Variants in PHYKPL observed in about 807,000 individuals in gnomAD.
The protein encoded by PHYKPL is 5-phosphonooxy-L-lysine phospho-lyase.
In PHYKPL, 42 loss-of-function variants were observed where a neutral mutation model predicts 51.3. The ratio of observed to expected loss-of-function variants is 0.82; its 90% CI spans 0.64 to 1.06. The LOEUF (loss-of-function observed/expected upper bound fraction) is 1.06, where lower values mean the gene tolerates loss of function less well. Among genes scored for constraint, PHYKPL ranks in the 50% least tolerant of loss-of-function variants. The probability of loss-of-function intolerance (pLI) is 0.00; values close to 1 mark genes in which losing one functional copy is unlikely to be tolerated. For synonymous variants in PHYKPL, 264 were observed against 236.0 expected, an observed-to-expected ratio of 1.12 and a Z score of -1.09; for missense variants, 655 against 586.6, an observed-to-expected ratio of 1.12 and a Z score of -1.20.
intron 6 of PHYKPL, chr5:178,223,849 C>CA: frequency 4.5e-6 from 1 of 221,278 alleles, no homozygotes. Flanking sequence ...CCATACTGCC[C>CA]CCGTCAGGCC....
Position 178,232,565 on chromosome 5 carries a change from A to T in PHYKPL, c.-15T>A. On this transcript the variant is annotated 5_prime_UTR_variant, in exon 1 of 13. Coordinates refer to ENST00000308158, the MANE Select transcript of PHYKPL (RefSeq NM_153373.4). ...TCTGCGGCCATGGTGGGTGGCCGTC[A>T]GTCGGTGCCGTGACGCCACGCGGAG... 3 of 1,259,690 alleles carry T rather than the reference A, an allele frequency of 2.4e-6. No individual in the cohort carries two copies. The highest frequency in any genetic ancestry group is 3.0e-6 in the Non-Finnish European group (3 of 1,004,072). The allele number at this position is 1,259,690 out of a possible 1,614,324, so 78.0% of individuals were successfully genotyped here.
chr5:178,214,619 G>C (rs1759370675), intron 10 of PHYKPL, among the ~76,000 whole-genome samples, 177 bp downstream of exon 10: 1 of 152,106 alleles, frequency 6.6e-6, no homozygotes, highest in African/African-American at 2.4e-5. Context: ...GTCCTCAGCT[G>C]ATAGGATCAG....
intron 1 of PHYKPL, 146 bp downstream of exon 1, chr5:178,232,346 G>C: frequency 7.8e-7 from 1 of 1,275,562 alleles, no homozygotes; most frequent in East Asian, 3.4e-5. Flanking sequence ...AAGCTCCAGC[G>C]GGGCCGGGGC....
chr5:178,229,667 T>A, intron 3 of PHYKPL: 1 of 336,020 alleles, frequency 3.0e-6, no homozygotes, highest in Non-Finnish European at 5.5e-6. Flanking sequence ...TTTGGCTGTA[T>A]CCTTAAGGCA....
intron 8 of PHYKPL, among the ~76,000 whole-genome samples, chr5:178,219,363 A>G (rs1259222761): frequency 4.6e-5 from 7 of 152,048 alleles, no homozygotes; most frequent in Non-Finnish European, 8.8e-5. Flanking sequence ...CACACATACA[A>G]ACAGACACAA....
intron 12 of PHYKPL, chr5:178,211,488 A>T (rs1758398794): frequency 5.5e-6 from 1 of 182,452 alleles, no homozygotes; most frequent in Admixed American, 5.8e-5. Context: ...TTTACACACT[A>T]GGGCAGTGCC....
intron 1 of PHYKPL, 116 bp from the exon 2 acceptor site, chr5:178,231,639 A>T: frequency 6.2e-7 from 1 of 1,604,668 alleles, no homozygotes; most frequent in Non-Finnish European, 8.5e-7. Flanking sequence ...GGGAAATGAG[A>T]GCTGGAAGGG....
rs146951589 is a variant in PHYKPL, at chr5:178,231,379, C to A, written c.178+26G>T. On this transcript the variant is annotated intron_variant, in intron 2 of 12. Coordinates refer to ENST00000308158, the MANE Select transcript of PHYKPL (RefSeq NM_153373.4). ...CACAGCACTGCCTTCCTCTCCTGCC[C>A]TGCCAGCCTGAGGTGTGATACTGAC... The A allele has an allele frequency of 2.1e-3, 3,456 of 1,614,112 alleles. 27 individuals are homozygous for A. The highest frequency in any genetic ancestry group is 0.01 in the South Asian group (955 of 91,074).
In PHYKPL at chr5:178,214,876, C is replaced by A. The variant is rs950954233; in HGVS notation, c.1092G>T (p.Gly364=). 6.2e-7 allele frequency: 1 copy of A among 1,613,470 alleles called. No individual in the cohort carries two copies. Among genetic ancestry groups the A allele is most frequent in the Non-Finnish European group, 8.5e-7 (1 of 1,179,992 alleles). Residue 364 remains glycine (G), a synonymous_variant, in exon 10 of 13, where the codon GGG becomes GGT. Coordinates refer to ENST00000308158, the MANE Select transcript of PHYKPL (RefSeq NM_153373.4). The stretch of plus-strand genomic sequence containing the variant: ...TGATCAGATCCACACCAATGAAGAG[C>A]CCAACACCCCTGCAAGGGAAGGTGA... The part of the protein sequence containing the change: ...HPIVGDVRGV[G]LFIGVDLIKD...
At chr5:178,221,835 C>T (rs899333364) in intron 8 of PHYKPL, among the ~76,000 whole-genome samples, 6 of 152,164 alleles carry the variant, frequency 3.9e-5, no homozygotes, top group East Asian at 1.9e-4. Context: ...TGAGACTCCT[C>T]GGCTCTTTCC....
chr5:178,222,609 G>A (rs543691949), intron 7 of PHYKPL, 29 bp from the exon 8 acceptor site: 1 of 1,606,754 alleles, frequency 6.2e-7, no homozygotes, highest in South Asian at 1.1e-5. Context: ...CTGACACGGG[G>A]GCTGTGGTTG....
At chr5:178,225,311 T>G (rs1374713009) in intron 4 of PHYKPL, 44 bp downstream of exon 4, 1 of 1,601,394 alleles carries the variant, frequency 6.2e-7, no homozygotes. Flanking sequence ...AAGAAGCCTG[T>G]GGGCCAGGCT....
Position 178,212,958 on chromosome 5 carries a change from A to T in PHYKPL, c.1303+15T>A. On this transcript the variant is annotated intron_variant, in intron 11 of 12. Coordinates refer to ENST00000308158, the MANE Select transcript of PHYKPL (RefSeq NM_153373.4). ...GAGTTCTAGAGATATGGCCAAGCTC[A>T]GGCTTCAAGCTCACCAGTCAGAATG... 1 of 1,613,596 alleles carries T rather than the reference A, an allele frequency of 6.2e-7. No individual in the cohort carries two copies. The highest frequency in any genetic ancestry group is 8.5e-7 in the Non-Finnish European group (1 of 1,179,716).
chr5:178,209,133 T>G (rs950451477), intron 12 of PHYKPL, among the ~76,000 whole-genome samples: 1 of 152,224 alleles, frequency 6.6e-6, no homozygotes, highest in African/African-American at 2.4e-5. Context: ...GTCGGAAGGG[T>G]TCTCTGCTGG....
chr5:178,211,956 CCTTCT>C lies in PHYKPL; in HGVS notation c.1313_1317del (p.Glu438GlyfsTer5). ...AGCCTCAGCGTTTCACAACTTCTCA[CCTTCT>C]CTTCCATGTCTGAAAAAGACCACAA... On this transcript the variant is annotated frameshift_variant, in exon 12 of 13. Coordinates refer to ENST00000308158, the MANE Select transcript of PHYKPL (RefSeq NM_153373.4). LOFTEE classifies it high-confidence loss of function. 1.2e-6 allele frequency: 2 copies of C among 1,614,194 alleles called. No individual in the cohort carries two copies. The highest frequency in any genetic ancestry group is 1.7e-6 in the Non-Finnish European group (2 of 1,180,040).
At chr5:178,212,444 A>G (rs1758742041) in intron 11 of PHYKPL, among the ~76,000 whole-genome samples, 1 of 152,234 alleles carries the variant, frequency 6.6e-6, no homozygotes, top group African/African-American at 2.4e-5. Context: ...CACAGCCATG[A>G]GATTTCCTTG....
At chr5:178,232,251 G>C in intron 1 of PHYKPL, 2 of 1,233,494 alleles carry the variant, frequency 1.6e-6, no homozygotes, top group Non-Finnish European at 2.0e-6. Flanking sequence ...TGAACTGGGC[G>C]GCCTGGAGAC....
intron 8 of PHYKPL, among the ~76,000 whole-genome samples, chr5:178,220,485 A>G (rs1412223730): frequency 1.3e-5 from 2 of 152,320 alleles, no homozygotes; most frequent in East Asian, 3.9e-4. Context: ...ACAAGAGTGA[A>G]ACTCTTGTCT....
chr5:178,225,682 T>A, intron 3 of PHYKPL: 1 of 524,624 alleles, frequency 1.9e-6, no homozygotes, highest in East Asian at 3.2e-5. Flanking sequence ...GAAAGTTGTT[T>A]TGAAAAAACC....
Sources: allele counts gnomAD v4.1 joint callset (sites outside exome capture counted in the v4.1 genomes callset), GRCh38; gene constraint gnomAD v4.1.1; transcripts MANE v1.5; gene names NCBI Gene and HGNC (gene_info 2026-07-23, HGNC 2026-07-21).